Variants in CNTNAP2 observed in about 807,000 individuals in gnomAD.
CNTNAP2 encodes contactin associated protein 2.
CNTNAP2 carries 98 observed loss-of-function variants against 155.2 expected under a neutral mutation model. The observed-to-expected ratio is 0.63, with a 90% CI of 0.54 to 0.75. The LOEUF (loss-of-function observed/expected upper bound fraction) is 0.75, where lower values mean the gene tolerates loss of function less well. CNTNAP2 is among the 30% of genes least tolerant of loss of function. The probability of loss-of-function intolerance (pLI) is 0.00; values close to 1 mark genes in which losing one functional copy is unlikely to be tolerated. For synonymous variants in CNTNAP2, 651 were observed against 631.2 expected (o/e 1.03, Z -0.47); for missense variants, 1,727 against 1,688.1 (o/e 1.02, Z -0.40).
chr7:147,326,134 C>T (rs1317794986), intron 9 of CNTNAP2, among the ~76,000 whole-genome samples: 2 of 152,310 alleles, frequency 1.3e-5, no homozygotes, highest in Admixed American at 6.5e-5. Context: ...CCGTGTTAGC[C>T]AGGATGGTCT....
At chr7:147,096,108 GGT>G (rs1171058041) in intron 4 of CNTNAP2, among the ~76,000 whole-genome samples, 2 of 152,088 alleles carry the variant, frequency 1.3e-5, no homozygotes, top group Non-Finnish European at 2.9e-5. Context: ...GATACATACT[GGT>G]TATTCACAGG....
Position 147,866,765 on chromosome 7 carries a change from T to TTTTG in CNTNAP2, c.2099-36798_2099-36797insTGTT, listed in dbSNP as rs1554443346. On this transcript the variant is annotated intron_variant, in intron 13 of 23. Coordinates refer to ENST00000361727, the MANE Select transcript of CNTNAP2 (RefSeq NM_014141.6). Reference sequence around the variant, plus strand: ...TGCAACCCCTGTTTTTTTTTTGTTTTTTGTTGTTGTTGTTGTTTTGCTTTC... The same window carrying TTTTG: ...TGCAACCCCTGTTTTTTTTTTGTTTTTTTGTTGTTGTTGTTGTTGTTTTGCTTTC... 7.3e-5 allele frequency among the ~76,000 whole-genome samples: 11 copies of TTTTG among 151,592 alleles called. No homozygotes were observed. The South Asian group carries it at 8.4e-4, about 12-fold the overall frequency.
At chr7:147,751,447 T>C (rs1797134213) in intron 13 of CNTNAP2, among the ~76,000 whole-genome samples, 1 of 145,184 alleles carries the variant, frequency 6.9e-6, no homozygotes, top group South Asian at 2.3e-4. Context: ...ATTTATGATC[T>C]GGAAAGTTTG....
intron 13 of CNTNAP2, among the ~76,000 whole-genome samples, chr7:147,639,532 T>C (rs1049863647): frequency 1.3e-5 from 2 of 152,242 alleles, no homozygotes; most frequent in African/African-American, 4.8e-5. Context: ...TACGGATTTT[T>C]AAATTGTATG....
intron 1 of CNTNAP2, among the ~76,000 whole-genome samples, chr7:146,177,654 C>T (rs1442840990): frequency 3.3e-5 from 5 of 152,174 alleles, no homozygotes; most frequent in Non-Finnish European, 7.4e-5. Flanking sequence ...AACAAGCTGA[C>T]AAATCAAAAG....
intron 10 of CNTNAP2, among the ~76,000 whole-genome samples, chr7:147,414,035 T>C (rs1797145791): frequency 6.6e-6 from 1 of 152,220 alleles, no homozygotes; most frequent in African/African-American, 2.4e-5. Flanking sequence ...TACTTCTGTT[T>C]CTCACTTGTA....
chr7:147,408,299 C>T lies in CNTNAP2; in HGVS notation c.1670+12519C>T, dbSNP rs188476234. ...GGTTGGGATGGAGATGGCAGAGGAGCAGTTCAAGGCACATGCTATAGGCAT... is the reference window on the plus strand; with the variant it reads ...GGTTGGGATGGAGATGGCAGAGGAGTAGTTCAAGGCACATGCTATAGGCAT... On this transcript the variant is annotated intron_variant, in intron 10 of 23. Transcript: ENST00000361727. 2.3e-3 allele frequency among the ~76,000 whole-genome samples: 352 copies of T among 152,284 alleles called. 1 individual carries two copies. The highest frequency in any genetic ancestry group is 3.5e-3 in the Non-Finnish European group (241 of 68,032).
At chr7:147,549,629 CTTGACAGATATGGTAAGA>C (rs1193352307) in intron 11 of CNTNAP2, among the ~76,000 whole-genome samples, 4 of 152,190 alleles carry the variant, frequency 2.6e-5, no homozygotes, top group Non-Finnish European at 5.9e-5. Flanking sequence ...AACCCATATA[CTTGACAGATATGGTAAGA>C]CCAATGCCTC....
chr7:147,321,117 C>T (rs1795344185), intron 9 of CNTNAP2, among the ~76,000 whole-genome samples: 1 of 152,174 alleles, frequency 6.6e-6, no homozygotes, highest in Admixed American at 6.5e-5. Flanking sequence ...CTGTGTTCTG[C>T]CAATTCCCAG....
intron 1 of CNTNAP2, among the ~76,000 whole-genome samples, chr7:146,291,259 G>A (rs1422316524): frequency 1.3e-5 from 2 of 152,142 alleles, no homozygotes; most frequent in Admixed American, 1.3e-4. Context: ...CAACAAACCA[G>A]GGGCCTGCAA....
intron 10 of CNTNAP2, among the ~76,000 whole-genome samples, chr7:147,397,651 G>T (rs771601552): frequency 2.6e-5 from 4 of 151,932 alleles, no homozygotes; most frequent in Admixed American, 6.6e-5. Context: ...AAGAATGAAT[G>T]GGATTTTGGT....
chr7:146,144,713 A>G (rs1435086614), intron 1 of CNTNAP2, among the ~76,000 whole-genome samples: 1 of 152,208 alleles, frequency 6.6e-6, no homozygotes, highest in Non-Finnish European at 1.5e-5. Context: ...AACATAATGA[A>G]GAAAGTGTAT....
intron 4 of CNTNAP2, among the ~76,000 whole-genome samples, chr7:147,064,581 C>T (rs750268576): frequency 6.6e-6 from 1 of 152,152 alleles, no homozygotes; most frequent in East Asian, 1.9e-4. Flanking sequence ...TGCACACACA[C>T]CGCCTTTCTT....
intron 13 of CNTNAP2, among the ~76,000 whole-genome samples, chr7:147,777,236 A>G (rs897777824): frequency 3.3e-5 from 5 of 152,216 alleles, no homozygotes; most frequent in African/African-American, 9.6e-5. Context: ...GGACACATAA[A>G]TCCCCATGTA....
chr7:146,977,733 A>G (rs1393691572), intron 3 of CNTNAP2, among the ~76,000 whole-genome samples: 1 of 152,208 alleles, frequency 6.6e-6, no homozygotes, highest in Non-Finnish European at 1.5e-5. Context: ...TTATGTATGT[A>G]TTTATTTTGG....
chr7:148,303,090 G>A (rs2116502988), intron 21 of CNTNAP2, among the ~76,000 whole-genome samples: 1 of 152,128 alleles, frequency 6.6e-6, no homozygotes, highest in Non-Finnish European at 1.5e-5. Context: ...TTGGATTACA[G>A]GCATGAGCCT....
chr7:146,644,677 C>G (rs1216188243), intron 1 of CNTNAP2, among the ~76,000 whole-genome samples: 1 of 152,102 alleles, frequency 6.6e-6, no homozygotes, highest in Non-Finnish European at 1.5e-5. Flanking sequence ...GAAATACAAA[C>G]TACCATCAGA....
chr7:147,212,444 G>A (rs551292706), intron 8 of CNTNAP2, among the ~76,000 whole-genome samples: 51 of 152,218 alleles, frequency 3.4e-4, no homozygotes, highest in African/African-American at 9.9e-4. Context: ...CTACAACATG[G>A]ATGCAGCTGA....
chr7:147,590,204 T>A (rs1416644714), intron 12 of CNTNAP2, among the ~76,000 whole-genome samples: 1 of 152,180 alleles, frequency 6.6e-6, no homozygotes, highest in African/African-American at 2.4e-5. Flanking sequence ...TCTTCTTTTA[T>A]TTATTTTTTA....
Sources: allele counts gnomAD v4.1 joint callset (sites outside exome capture counted in the v4.1 genomes callset), GRCh38; gene constraint gnomAD v4.1.1; transcripts MANE v1.5; gene names NCBI Gene and HGNC (gene_info 2026-07-23, HGNC 2026-07-21).